MKLN1: variants seen among roughly 807,000 people sequenced by gnomAD.
MKLN1 encodes muskelin 1.
MKLN1 carries 18 observed loss-of-function variants against 99.0 expected under a neutral mutation model. The ratio of observed to expected loss-of-function variants is 0.18; its 90% CI spans 0.13 to 0.27. MKLN1 has a LOEUF of 0.27. Among genes scored for constraint, MKLN1 ranks in the 10% least tolerant of loss-of-function variants. The probability of loss-of-function intolerance (pLI) is 1.00; values close to 1 mark genes in which losing one functional copy is unlikely to be tolerated. For missense variants in MKLN1, 621 were observed against 875.9 expected (o/e 0.71, Z 3.67); for synonymous variants, 288 against 293.2 (o/e 0.98, Z 0.18).
At chr7:131,458,262 A>T (rs1162839126) in intron 12 of MKLN1, among the ~76,000 whole-genome samples, 2 of 152,236 alleles carry the variant, frequency 1.3e-5, no homozygotes, top group Non-Finnish European at 2.9e-5. Flanking sequence ...TTGAGATGTG[A>T]GGGTGACATA....
chr7:131,270,926 C>A (rs2116556711), intron 3 of MKLN1, among the ~76,000 whole-genome samples: 1 of 151,374 alleles, frequency 6.6e-6, no homozygotes, highest in South Asian at 2.1e-4. Flanking sequence ...TTAGGATAAT[C>A]ATTCATTGAT....
intron 3 of MKLN1, among the ~76,000 whole-genome samples, chr7:131,220,766 A>G (rs1430790750): frequency 6.6e-6 from 1 of 152,194 alleles, no homozygotes; most frequent in Non-Finnish European, 1.5e-5. Context: ...CAAAAGCCTT[A>G]TGATTGATTC....
intron 3 of MKLN1, among the ~76,000 whole-genome samples, chr7:131,224,520 T>G (rs1797111431): frequency 6.6e-6 from 1 of 151,986 alleles, no homozygotes. Context: ...CACTTTAGCC[T>G]GGTGATAGAG....
intron 3 of MKLN1, among the ~76,000 whole-genome samples, chr7:131,223,354 G>A (rs746081931): frequency 1.3e-5 from 2 of 152,162 alleles, no homozygotes; most frequent in South Asian, 2.1e-4. Context: ...GCCATAGCTC[G>A]GAACATCACA....
At chr7:131,436,002 C>G (rs1046815217) in intron 9 of MKLN1, among the ~76,000 whole-genome samples, 2 of 152,072 alleles carry the variant, frequency 1.3e-5, no homozygotes, top group African/African-American at 4.8e-5. Flanking sequence ...AAGTTTTACA[C>G]TCTATGCATT....
intron 12 of MKLN1, among the ~76,000 whole-genome samples, chr7:131,452,151 A>T (rs992150917): frequency 6.6e-6 from 1 of 152,178 alleles, no homozygotes; most frequent in African/African-American, 2.4e-5. Context: ...AAGAATAGCA[A>T]ATTGAGAATC....
Position 131,494,785 on chromosome 7 carries a change from C to G in MKLN1, c.*7057C>G, listed in dbSNP as rs546156580. 1.3e-5 allele frequency: 2 copies of G among 152,104 alleles called. No individual in the cohort carries two copies. The highest frequency in any genetic ancestry group is 4.1e-4 in the South Asian group (2 of 4,828). The allele number at this position is 152,104 out of a possible 1,614,324, so 9.4% of individuals were successfully genotyped here. On this transcript the variant is annotated 3_prime_UTR_variant, in exon 18 of 18. Transcript: ENST00000352689. ...TACTTTTTGGATTTGTGTGAAATGT[C>G]TTTTGAAAAGAAAGTAGATAGTATA...
chr7:131,380,319 T>G (rs1793806173), intron 2 of MKLN1, among the ~76,000 whole-genome samples: 1 of 152,102 alleles, frequency 6.6e-6, no homozygotes, highest in African/African-American at 2.4e-5. Flanking sequence ...TTACAGATAA[T>G]AGGAGTTTCA....
intron 10 of MKLN1, 118 bp from the exon 11 acceptor site, chr7:131,443,363 C>A (rs1795897552): frequency 1.4e-6 from 1 of 692,318 alleles, no homozygotes; most frequent in Non-Finnish European, 2.5e-6. Flanking sequence ...TATTTAGTGT[C>A]ATTAGGGACA....
At chr7:131,118,001 A>G (rs1368877178) in intron 1 of MKLN1, among the ~76,000 whole-genome samples, 5 of 152,152 alleles carry the variant, frequency 3.3e-5, no homozygotes, top group Non-Finnish European at 5.9e-5. Context: ...TTTAAATCTC[A>G]TGTTGAAGTG....
upstream of MKLN1, chr7:131,323,804 T>C (rs1240711024): frequency 6.6e-6 from 1 of 152,188 alleles, no homozygotes; most frequent in African/African-American, 2.4e-5. Flanking sequence ...TTGGATTGTC[T>C]GTAATTGTCA....
intron 2 of MKLN1, among the ~76,000 whole-genome samples, chr7:131,186,019 C>T (rs903765875): frequency 4.6e-5 from 7 of 151,062 alleles, no homozygotes; most frequent in South Asian, 4.2e-4. Context: ...GGTGAAACCC[C>T]GTCTTCACTA....
At chr7:131,251,844 A>AT (rs1055782329) in intron 3 of MKLN1, among the ~76,000 whole-genome samples, 11 of 151,644 alleles carry the variant, frequency 7.3e-5, no homozygotes, top group African/African-American at 2.7e-4. Flanking sequence ...AAATTCTTGT[A>AT]TTTTTTGTAG....
chr7:131,116,036 T>G (rs998107686), intron 1 of MKLN1, among the ~76,000 whole-genome samples: 1 of 152,224 alleles, frequency 6.6e-6, no homozygotes, highest in African/African-American at 2.4e-5. Context: ...CCGGGCACGG[T>G]GGCTCACGCC....
intron 12 of MKLN1, among the ~76,000 whole-genome samples, chr7:131,451,251 G>A (rs1477396480): frequency 2.0e-5 from 3 of 151,970 alleles, no homozygotes; most frequent in Non-Finnish European, 4.4e-5. Context: ...TTTGTTAACT[G>A]TTGTTCTAAA....
At chr7:131,364,096 G>A (rs1468524292) in intron 1 of MKLN1, among the ~76,000 whole-genome samples, 7 of 152,060 alleles carry the variant, frequency 4.6e-5, no homozygotes, top group Admixed American at 1.3e-4. Flanking sequence ...AGTGATTTGG[G>A]AGAAAGCTAT....
At chr7:131,438,029 T>A in intron 10 of MKLN1, 32 bp downstream of exon 10, 1 of 1,497,528 alleles carries the variant, frequency 6.7e-7, no homozygotes, top group Non-Finnish European at 9.3e-7. Context: ...ATGATGGAAT[T>A]AATCAGTGCT....
chr7:131,176,708 G>T (rs2116347761), intron 2 of MKLN1, among the ~76,000 whole-genome samples: 1 of 152,318 alleles, frequency 6.6e-6, no homozygotes, highest in South Asian at 2.1e-4. Context: ...TTGGAAACAT[G>T]GTGCCTGTTT....
chr7:131,417,491 A>G (rs1019667821), intron 8 of MKLN1, among the ~76,000 whole-genome samples: 4 of 152,176 alleles, frequency 2.6e-5, no homozygotes, highest in African/African-American at 9.6e-5. Context: ...TCAAGTTCTC[A>G]TGCTTTTCAG....
Sources: gnomAD v4.1 joint callset for allele counts (sites outside exome capture counted in the v4.1 genomes callset) on GRCh38, gnomAD v4.1.1 for gene constraint, MANE v1.5 for transcripts, NCBI Gene and HGNC (gene_info 2026-07-23, HGNC 2026-07-21) for gene names.